Variants in SPEN observed in about 807,000 individuals in gnomAD.
The protein encoded by SPEN is spen family transcriptional repressor, also known as msx2-interacting protein.
A neutral mutation model predicts 269.9 loss-of-function variants in SPEN; 18 were observed. The observed-to-expected ratio is 0.07, with a 90% CI of 0.05 to 0.10. SPEN has a LOEUF of 0.10. Among genes scored for constraint, SPEN ranks in the 10% least tolerant of loss-of-function variants. The probability of loss-of-function intolerance (pLI) is 1.00; values close to 1 mark genes in which losing one functional copy is unlikely to be tolerated. For missense variants in SPEN, 3,822 were observed against 4,631.2 expected, an observed-to-expected ratio of 0.83 and a Z score of 5.07; for synonymous variants, 1,726 against 1,765.7, an observed-to-expected ratio of 0.98 and a Z score of 0.56.
chr1:15,860,055 G>A (rs1340292645), intron 1 of SPEN, among the ~76,000 whole-genome samples: 2 of 151,350 alleles, frequency 1.3e-5, no homozygotes, highest in African/African-American at 4.9e-5. Context: ...GGGATTACAG[G>A]CGCCCGCCAC....
intron 3 of SPEN, among the ~76,000 whole-genome samples, chr1:15,898,613 G>A (rs1472993037): frequency 7.0e-6 from 1 of 142,888 alleles, no homozygotes; most frequent in Non-Finnish European, 1.5e-5. Context: ...AGGCTAGAGT[G>A]CAGTGTCTCA....
chr1:15,917,718 C>T (rs2071078958), intron 6 of SPEN: 1 of 153,408 alleles, frequency 6.5e-6, no homozygotes, highest in Non-Finnish European at 1.5e-5. Context: ...AAGATATCAG[C>T]CTTTCTCATC....
At chr1:15,919,377 A>G (rs2071095433) in intron 7 of SPEN, 27 bp from the exon 8 acceptor site, 1 of 1,444,786 alleles carries the variant, frequency 6.9e-7, no homozygotes, top group East Asian at 2.3e-5. Context: ...GAACTTTACT[A>G]ATAGAAATTT....
chr1:15,857,192 G>A (rs540490906), intron 1 of SPEN, among the ~76,000 whole-genome samples: 1 of 151,932 alleles, frequency 6.6e-6, no homozygotes, highest in South Asian at 2.1e-4. Context: ...AGCTTTCCAA[G>A]TAGCTAGGAC....
rs2070631165 is a variant in SPEN, at chr1:15,876,431, C to T, written c.634C>T (p.Pro212Ser). 2 of 1,613,914 alleles carry T rather than the reference C, an allele frequency of 1.2e-6. No homozygotes were observed. The highest frequency in any genetic ancestry group is 2.2e-5 in the South Asian group (2 of 91,072). ...TAGGGCTCGCGAGCAGTTTACACTGCCCAGTGTGGTACACAGGGATATCTA... is the reference window on the plus strand; with the variant it reads ...TAGGGCTCGCGAGCAGTTTACACTGTCCAGTGTGGTACACAGGGATATCTA... ...EPRAREQFTL[P>S]SVVHRDIYRD... The change falls in exon 3 of 15, where the codon CCC becomes TCC. Residue 212 changes from proline to serine, a missense_variant. Around this residue, in one of 16 missense-constraint regions of SPEN, gnomAD observed 327 missense variants for 350.8 expected, o/e 0.93. Coordinates refer to ENST00000375759, the MANE Select transcript of SPEN (RefSeq NM_015001.3).
At chr1:15,927,153 G>A (rs1397497431) in intron 10 of SPEN, among the ~76,000 whole-genome samples, 1 of 152,198 alleles carries the variant, frequency 6.6e-6, no homozygotes, top group African/African-American at 2.4e-5. Context: ...ATGTTCTTGT[G>A]TGTAAATTTA....
At chr1:15,914,484 G>T (rs1210634709) in intron 5 of SPEN, among the ~76,000 whole-genome samples, 1 of 152,148 alleles carries the variant, frequency 6.6e-6, no homozygotes, top group Non-Finnish European at 1.5e-5. Context: ...TGGAGCTTCA[G>T]AGAAAGGCTA....
At chr1:15,909,257 T>C in intron 3 of SPEN, 64 bp from the exon 4 acceptor site, 2 of 1,549,804 alleles carry the variant, frequency 1.3e-6, no homozygotes, top group South Asian at 2.4e-5. Flanking sequence ...TTAAGAAGTT[T>C]TCTAATGCTG....
rs1342960471 is a variant in SPEN at position 15,931,296 on chromosome 1, G to A, written c.5056G>A (p.Ala1686Thr). 6.2e-7 allele frequency: 1 copy of A among 1,614,046 alleles called. No homozygotes were observed. Among genetic ancestry groups the A allele is most frequent in the Non-Finnish European group, 8.5e-7 (1 of 1,180,030 alleles). ...PATVSEEAKP[A>T]SEPAPAPVEQ... Reference sequence around the variant, plus strand: ...TACCGTCTCAGAAGAAGCAAAGCCTGCATCTGAACCTGCTCCTGCCCCTGT... The same window carrying A: ...TACCGTCTCAGAAGAAGCAAAGCCTACATCTGAACCTGCTCCTGCCCCTGT... The change falls in exon 11 of 15, where the codon GCA becomes ACA. Residue 1686 changes from alanine (A) to threonine (T), a missense_variant. Ala to Thr is a moderately conservative substitution (Grantham distance 58). Coordinates refer to ENST00000375759, the MANE Select transcript of SPEN (RefSeq NM_015001.3). This position sits in a 1 kb window ranked among gnomAD's most constrained non-coding sequence, Gnocchi z 4.8.
In SPEN at chr1:15,896,370, A is replaced by G. The variant is rs1441343072; in HGVS notation, c.882-12951A>G. On this transcript the variant is annotated intron_variant, in intron 3 of 14. Coordinates refer to ENST00000375759, the MANE Select transcript of SPEN (RefSeq NM_015001.3). ...GCCACCACTCTTGGCAAATTTTTGT[A>G]TTATTTGTAGAGACGTGGTTTCACT... 3.3e-5 allele frequency among the ~76,000 whole-genome samples: 5 copies of G among 151,462 alleles called. No individual in the cohort carries two copies. The East Asian group carries it at 9.8e-4, about 30-fold the overall frequency.
At chr1:15,886,524 G>A (rs1289751440) in intron 3 of SPEN, among the ~76,000 whole-genome samples, 1 of 152,202 alleles carries the variant, frequency 6.6e-6, no homozygotes, top group Admixed American at 6.5e-5. Context: ...GCCAGGCGGT[G>A]GGAGGGGCAG....
chr1:15,876,478 G>A lies in SPEN; in HGVS notation c.681G>A (p.Glu227=). ...TCTACAGGGATGATATTACCCGGGA[G>A]GTACGAGGCAGAAGGCCAGAGCGGA... ...RDIYRDDITR[E]VRGRRPERNY... Residue 227 remains glutamate (E), a synonymous_variant, in exon 3 of 15, where the codon GAG becomes GAA. Coordinates refer to ENST00000375759, the MANE Select transcript of SPEN (RefSeq NM_015001.3). 6.2e-7 allele frequency: 1 copy of A among 1,614,120 alleles called. No homozygotes were observed.
Position 15,928,050 on chromosome 1 carries a change from G to A in SPEN, c.1851-41G>A. 6.6e-7 allele frequency: 1 copy of A among 1,514,670 alleles called. No individual in the cohort carries two copies. Among genetic ancestry groups the A allele is most frequent in the East Asian group, 2.3e-5 (1 of 43,954 alleles). 93.8% of individuals were successfully genotyped at this position (1,514,670 alleles called of 1,614,324 possible). A position where few individuals can be genotyped will look rare whatever the true frequency, so the allele number is the denominator to read the frequency against. On this transcript the variant is annotated intron_variant, in intron 10 of 14. Coordinates refer to ENST00000375759, the MANE Select transcript of SPEN (RefSeq NM_015001.3). The surrounding 1 kb of genome is among the most constrained non-coding windows in gnomAD (Gnocchi z 5.7). ...ATGTATGATTTTATGCATAAGTGAT[G>A]AGGAAACAAAAGAACTAATATCTTT...
intron 10 of SPEN, among the ~76,000 whole-genome samples, chr1:15,923,734 A>T (rs1252369615): frequency 6.7e-6 from 1 of 149,686 alleles, no homozygotes; most frequent in African/African-American, 2.5e-5. Context: ...CAGTGATGCG[A>T]TATTGGCTTA....
chr1:15,888,756 C>T (rs116226488), intron 3 of SPEN, among the ~76,000 whole-genome samples: 25 of 151,966 alleles, frequency 1.6e-4, no homozygotes, highest in African/African-American at 5.6e-4. Context: ...CCTCAGTCTT[C>T]GGAATAGCTG....
intron 10 of SPEN, among the ~76,000 whole-genome samples, chr1:15,923,467 C>T (rs2071137362): frequency 2.0e-5 from 3 of 152,050 alleles, no homozygotes; most frequent in South Asian, 2.1e-4. Flanking sequence ...GTGTGAAAAA[C>T]GCCTTTAGAC....
intron 3 of SPEN, among the ~76,000 whole-genome samples, chr1:15,901,179 C>G (rs899456784): frequency 1.3e-4 from 19 of 150,304 alleles, no homozygotes; most frequent in Non-Finnish European, 2.2e-4. Context: ...ATAGTAATAC[C>G]TCGTCCCTTA....
rs2071263562 is a variant in SPEN at position 15,935,300 on chromosome 1, G to C, written c.9060G>C (p.Lys3020Asn). Residue 3020 changes from lysine (K) to asparagine (N), a missense_variant, in exon 11 of 15, where the codon AAG becomes AAC. By Grantham distance (94) the Lys-to-Asn change is moderately conservative. Around this residue, in one of 16 missense-constraint regions of SPEN, gnomAD observed 94 missense variants for 90.4 expected, o/e 1.04. Transcript: ENST00000375759. The surrounding 1 kb of genome is among the most constrained non-coding windows in gnomAD (Gnocchi z 7.7). ...CTGTCTCCCATTTGGCAGCTGCAAAGCTAGATGCTCATTCTCCTCGACCAA... is the reference window on the plus strand; with the variant it reads ...CTGTCTCCCATTTGGCAGCTGCAAACCTAGATGCTCATTCTCCTCGACCAA... ...DRTVSHLAAA[K>N]LDAHSPRPSG... 1 of 1,613,990 alleles carries C rather than the reference G, an allele frequency of 6.2e-7. No individual in the cohort carries two copies. The highest frequency in any genetic ancestry group is 8.5e-7 in the Non-Finnish European group (1 of 1,180,024).
intron 10 of SPEN, among the ~76,000 whole-genome samples, chr1:15,923,634 T>A (rs1570052238): frequency 1.3e-5 from 2 of 152,242 alleles, no homozygotes; most frequent in South Asian, 4.1e-4. Flanking sequence ...TATTAATTTC[T>A]TAGTGGAATA....
Sources: allele counts gnomAD v4.1 joint callset (sites outside exome capture counted in the v4.1 genomes callset), GRCh38; gene constraint gnomAD v4.1.1; regional missense constraint gnomAD v4.1.1; non-coding constraint Gnocchi (gnomAD v3.1); transcripts MANE v1.5; gene names NCBI Gene and HGNC (gene_info 2026-07-23, HGNC 2026-07-21).